The following DCUN1D2 variants were observed in gnomAD, a reference collection of about 807,000 sequenced individuals.
DCUN1D2 encodes the protein DCN1-like protein 2.
In DCUN1D2, 29 loss-of-function variants were observed where a neutral mutation model predicts 30.9. That is an observed-to-expected ratio of 0.94 (90% CI 0.70 to 1.28). The LOEUF is 1.28. DCUN1D2 is among the 50% of genes most tolerant of loss of function. DCUN1D2 has a pLI of 0.00. For missense variants in DCUN1D2, 325 were observed against 316.9 expected (o/e 1.03, Z -0.19); for synonymous variants, 121 against 115.3 (o/e 1.05, Z -0.32).
chr13:113,462,368 A>C (rs988298857), intron 4 of DCUN1D2, among the ~76,000 whole-genome samples: 1 of 152,166 alleles, frequency 6.6e-6, no homozygotes, highest in Non-Finnish European at 1.5e-5. Context: ...AAGAAGAGTT[A>C]TATTTATGTA....
intron 4 of DCUN1D2, among the ~76,000 whole-genome samples, chr13:113,472,327 C>T (rs939019976): frequency 8.5e-5 from 13 of 152,130 alleles, no homozygotes; most frequent in Non-Finnish European, 1.3e-4. Flanking sequence ...CTGGAAACGA[C>T]GACTCTGAAT....
chr13:113,473,974 C>T (rs1470938898), intron 4 of DCUN1D2, 150 bp downstream of exon 4: 3 of 897,840 alleles, frequency 3.3e-6, no homozygotes, highest in Non-Finnish European at 5.0e-6. Context: ...CACTGCACTC[C>T]AGCCTAGGTG....
chr13:113,482,531 C>T (rs1692782419), intron 2 of DCUN1D2, among the ~76,000 whole-genome samples: 1 of 152,214 alleles, frequency 6.6e-6, no homozygotes, highest in African/African-American at 2.4e-5. Context: ...TGTTTTACCA[C>T]TGACTATGTT....
At chr13:113,486,986 G>A (rs1486391062) in intron 1 of DCUN1D2, among the ~76,000 whole-genome samples, 3 of 152,224 alleles carry the variant, frequency 2.0e-5, no homozygotes, top group Non-Finnish European at 4.4e-5. Context: ...CCCCGATCTA[G>A]ATTCTAGAGG....
chr13:113,480,041 A>G (rs529558727), intron 3 of DCUN1D2, among the ~76,000 whole-genome samples: 1 of 152,366 alleles, frequency 6.6e-6, no homozygotes, highest in East Asian at 1.9e-4. Context: ...GCATGACTGT[A>G]GTTCAGTAAG....
intron 3 of DCUN1D2, among the ~76,000 whole-genome samples, chr13:113,474,681 C>T (rs536784025): frequency 1.3e-5 from 2 of 152,270 alleles, no homozygotes; most frequent in South Asian, 4.1e-4. Flanking sequence ...AGAGAGGACC[C>T]TGCCCTGCGG....
rs1285215048 is a variant in DCUN1D2 at position 113,480,506 on chromosome 13, G to A, written c.389+69C>T. 1.5e-5 allele frequency: 23 copies of A among 1,555,976 alleles called. 1 individual carries two copies. Among genetic ancestry groups the A allele is most frequent in the South Asian group, 1.1e-4 (10 of 88,282 alleles). On this transcript the variant is annotated intron_variant, in intron 3 of 6. Coordinates refer to ENST00000478244, the MANE Select transcript of DCUN1D2 (RefSeq NM_001014283.2). ...GCAGATATGAAATTAGTATGTACAG[G>A]TTGCTGAAAAATAATGTTAGAAGTA...
At chr13:113,469,739 C>G (rs1009142372) in intron 4 of DCUN1D2, among the ~76,000 whole-genome samples, 1 of 147,740 alleles carries the variant, frequency 6.8e-6, no homozygotes, top group African/African-American at 2.4e-5. Flanking sequence ...TTTGGGAAGC[C>G]GAGGTGGGAG....
upstream of DCUN1D2, among the ~76,000 whole-genome samples, chr13:113,491,521 TCTCTCTCCCTCCCTGGGGCTCACCTCCC>T (rs1411319916): frequency 1.5e-5 from 2 of 137,732 alleles, no homozygotes; most frequent in East Asian, 4.4e-4. Flanking sequence ...GCTCCCCTCC[TCTCTCTCCCTCCCTGGGGCTCACCTCCC>T]CTCTCTCTCT....
rs1177015504 is a variant in DCUN1D2 at position 113,490,537 on chromosome 13, G to A, written c.3+130C>T. Reference sequence around the variant, plus strand: ...CGGGCCCGCGGCGCGTTCCTCCCTCGGATCCACGCGGAACGCCCCGCGCAG... The same window carrying A: ...CGGGCCCGCGGCGCGTTCCTCCCTCAGATCCACGCGGAACGCCCCGCGCAG... On this transcript the variant is annotated intron_variant, in intron 1 of 6. Coordinates refer to ENST00000478244, the MANE Select transcript of DCUN1D2 (RefSeq NM_001014283.2). The surrounding 1 kb of genome is among the most constrained non-coding windows in gnomAD (Gnocchi z 5.2). 7.2e-6 allele frequency: 7 copies of A among 973,600 alleles called. No individual in the cohort carries two copies. Among genetic ancestry groups the A allele is most frequent in the Middle Eastern group, 3.9e-4 (1 of 2,588 alleles). The allele number at this position is 973,600 out of a possible 1,614,324, so 60.3% of individuals were successfully genotyped here. A position where few individuals can be genotyped will look rare whatever the true frequency, so the allele number is the denominator to read the frequency against.
chr13:113,459,423 A>G lies in DCUN1D2; in HGVS notation c.604-15T>C, dbSNP rs540374636. The stretch of plus-strand genomic sequence containing the variant: ...TTGTGATGTTCCTAATATATGAGAG[A>G]AAAAAAAAACCCACCAGGTTTAAAA... On this transcript the variant is annotated splice_polypyrimidine_tract_variant and intron_variant, in intron 5 of 6. Transcript: ENST00000478244. 4.8e-5 allele frequency: 55 copies of G among 1,137,084 alleles called. No individual in the cohort carries two copies. The highest frequency in any genetic ancestry group is 2.7e-4 in the South Asian group (19 of 71,318). 70.4% of individuals were successfully genotyped at this position (1,137,084 alleles called of 1,614,324 possible).
At position 113,477,546 on chromosome 13, in the gene DCUN1D2, TCTC is replaced by T. The variant is rs375326323; in HGVS notation, c.389+3026_389+3028del. Among the ~76,000 whole-genome samples the T allele has an allele frequency of 3.0e-3, 459 of 152,308 alleles. 4 individuals are homozygous for T. Among genetic ancestry groups the T allele is most frequent in the African/African-American group, 0.011 (440 of 41,550 alleles). ...TACCCATAGGGTGGACTAGCTATGA[TCTC>T]CTGTTTAATACTGAATAGAAACAGT... On this transcript the variant is annotated intron_variant, in intron 3 of 6. Coordinates refer to ENST00000478244, the MANE Select transcript of DCUN1D2 (RefSeq NM_001014283.2).
At chr13:113,473,122 T>A (rs988001608) in intron 4 of DCUN1D2, among the ~76,000 whole-genome samples, 20 of 147,320 alleles carry the variant, frequency 1.4e-4, no homozygotes, top group African/African-American at 4.8e-4. Flanking sequence ...CTGTCCCCCG[T>A]CTCTCTATCC....
chr13:113,471,198 AACTCCACAGAAGACC>A (rs1285652214), intron 4 of DCUN1D2, among the ~76,000 whole-genome samples: 2 of 151,248 alleles, frequency 1.3e-5, no homozygotes, highest in African/African-American at 4.9e-5. Flanking sequence ...CAGGGGACCC[AACTCCACAGAAGACC>A]CAACTCCACA....
rs1245420351 is a variant in DCUN1D2, at chr13:113,457,835, G to A, written c.*194C>T. 2.3e-5 allele frequency: 14 copies of A among 600,472 alleles called. No individual in the cohort carries two copies. The highest frequency in any genetic ancestry group is 6.5e-5 in the South Asian group (3 of 46,320). The allele number at this position is 600,472 out of a possible 1,614,324, so 37.2% of individuals were successfully genotyped here. A position where few individuals can be genotyped will look rare whatever the true frequency, so the allele number is the denominator to read the frequency against. On this transcript the variant is annotated 3_prime_UTR_variant, in exon 7 of 7. Transcript: ENST00000478244. Reference sequence around the variant, plus strand: ...AATCTCCAAACATCCCAAAGCAGCCGTGTCCCGAGGAACTTCCTGCGGTGT... The same window carrying A: ...AATCTCCAAACATCCCAAAGCAGCCATGTCCCGAGGAACTTCCTGCGGTGT...
At chr13:113,491,051 G>T (rs1434135776), upstream of DCUN1D2, 1 of 157,234 alleles carries the variant, frequency 6.4e-6, no homozygotes, top group South Asian at 2.0e-4. Context: ...CTGAGCGGGG[G>T]CGGTGCTGGG....
At chr13:113,484,300 C>G (rs1320291549) in intron 1 of DCUN1D2, 4 of 744,346 alleles carry the variant, frequency 5.4e-6, no homozygotes, top group Non-Finnish European at 8.0e-6. Flanking sequence ...TGATCTCTAT[C>G]CAGTTCACTC....
chr13:113,470,066 T>A (rs1469012517), intron 4 of DCUN1D2, among the ~76,000 whole-genome samples: 1 of 152,202 alleles, frequency 6.6e-6, no homozygotes, highest in Non-Finnish European at 1.5e-5. Context: ...ACACATGGCA[T>A]AACATCTCAG....
At chr13:113,469,269 G>C (rs1304246822) in intron 4 of DCUN1D2, among the ~76,000 whole-genome samples, 1 of 151,998 alleles carries the variant, frequency 6.6e-6, no homozygotes, top group African/African-American at 2.4e-5. Context: ...ATGAGCAACA[G>C]AACAGCCCTG....
Sources: gnomAD v4.1 joint callset for allele counts (sites outside exome capture counted in the v4.1 genomes callset) on GRCh38, gnomAD v4.1.1 for gene constraint, Gnocchi (gnomAD v3.1) non-coding constraint, MANE v1.5 for transcripts, NCBI Gene and HGNC (gene_info 2026-07-23, HGNC 2026-07-21) for gene names.